The following FRRS1L variants were observed in gnomAD, a reference collection of about 807,000 sequenced individuals.
FRRS1L encodes DOMON domain-containing protein FRRS1L.
FRRS1L carries 22 observed loss-of-function variants against 28.6 expected under a neutral mutation model. The observed-to-expected ratio is 0.77, with a 90% CI of 0.55 to 1.10. The LOEUF (loss-of-function observed/expected upper bound fraction) is 1.10. Among genes scored for constraint, FRRS1L ranks in the 50% least tolerant of loss-of-function variants. The probability of loss-of-function intolerance (pLI) is 0.00; values close to 1 mark genes in which losing one functional copy is unlikely to be tolerated. For missense variants in FRRS1L, 380 were observed against 386.9 expected (o/e 0.98, Z 0.15); for synonymous variants, 158 against 151.4 (o/e 1.04, Z -0.32).
Position 109,167,171 on chromosome 9 carries a change from G to C in FRRS1L, c.-33C>G, listed in dbSNP as rs879450886. ...CACAGATCCCGCAGCCAGGCCGCTCGGGCCGCAGCGGGGGCGCCGCGGGCG... is the reference window on the plus strand; with the variant it reads ...CACAGATCCCGCAGCCAGGCCGCTCCGGCCGCAGCGGGGGCGCCGCGGGCG... On this transcript the variant is annotated 5_prime_UTR_variant, in exon 1 of 5. Transcript: ENST00000561981. The C allele has an allele frequency of 1.0e-4, 120 of 1,148,284 alleles. No homozygotes were observed. The highest frequency in any genetic ancestry group is 1.6e-4 in the African/African-American group (10 of 60,896). The allele number at this position is 1,148,284 out of a possible 1,614,324, so 71.1% of individuals were successfully genotyped here.
In FRRS1L at chr9:109,167,034, C is replaced by T. The variant is rs1239878483; in HGVS notation, c.105G>A (p.Ala35=). 1.4e-5 allele frequency: 17 copies of T among 1,207,108 alleles called. No homozygotes were observed. Among genetic ancestry groups the T allele is most frequent in the Non-Finnish European group, 1.7e-5 (17 of 974,284 alleles). The allele number at this position is 1,207,108 out of a possible 1,614,324, so 74.8% of individuals were successfully genotyped here. ...ACAASPADDG[A]GPGGRGPRGR... is the part of the protein sequence containing the mutation. Reference sequence around the variant, plus strand: ...CCCGGGGTCCCCGGCCCCCCGGGCCCGCACCGTCGTCCGCGGGGCTGGCTG... The same window carrying T: ...CCCGGGGTCCCCGGCCCCCCGGGCCTGCACCGTCGTCCGCGGGGCTGGCTG... Residue 35 remains alanine, a synonymous_variant, in exon 1 of 5, where the codon GCG becomes GCA. Coordinates refer to ENST00000561981, the MANE Select transcript of FRRS1L (RefSeq NM_014334.4).
chr9:109,161,310 T>C (rs1831477777), intron 1 of FRRS1L, among the ~76,000 whole-genome samples: 1 of 152,216 alleles, frequency 6.6e-6, no homozygotes, highest in African/African-American at 2.4e-5. Flanking sequence ...TGATGCTATT[T>C]TTTTCCCTCT....
chr9:109,156,549 C>T (rs946905900), intron 1 of FRRS1L, among the ~76,000 whole-genome samples: 6 of 152,016 alleles, frequency 3.9e-5, no homozygotes, highest in Non-Finnish European at 5.9e-5. Flanking sequence ...CCACCACGCC[C>T]GGCTAATTTT....
chr9:109,142,819 TA>T (rs71492832), intron 3 of FRRS1L, among the ~76,000 whole-genome samples: 53 of 135,380 alleles, frequency 3.9e-4, no homozygotes, highest in East Asian at 5.1e-4. Context: ...AAAATAAAAA[TA>T]AAAAAAAAAA....
At chr9:109,146,327 A>AGCTG (rs1407152338) in intron 3 of FRRS1L, among the ~76,000 whole-genome samples, 1 of 152,254 alleles carries the variant, frequency 6.6e-6, no homozygotes, top group African/African-American at 2.4e-5. Flanking sequence ...CCAGATTTAT[A>AGCTG]GCTGGCTGGT....
At chr9:109,155,863 T>C (rs1215555843) in intron 1 of FRRS1L, among the ~76,000 whole-genome samples, 2 of 152,052 alleles carry the variant, frequency 1.3e-5, no homozygotes, top group African/African-American at 4.8e-5. Context: ...TAAAATTGAT[T>C]GTGGTGACAG....
intron 1 of FRRS1L, among the ~76,000 whole-genome samples, chr9:109,162,500 C>T (rs1588104935): frequency 6.6e-6 from 1 of 152,288 alleles, no homozygotes; most frequent in South Asian, 2.1e-4. Context: ...GTCAAACTTT[C>T]TGTGGGTCAG....
At chr9:109,162,397 G>C (rs1480297770) in intron 1 of FRRS1L, among the ~76,000 whole-genome samples, 2 of 152,152 alleles carry the variant, frequency 1.3e-5, no homozygotes, top group Non-Finnish European at 1.5e-5. Flanking sequence ...TTCCAGATGG[G>C]CAGGACACCT....
In FRRS1L at chr9:109,131,121, T is replaced by C. The variant is rs757132045; in HGVS notation, c.*6334A>G. Reference sequence around the variant, plus strand: ...AAATATAAAAACAAAGAAATCTACCTTGAAACTAAATAACTGGATACTTGA... The same window carrying C: ...AAATATAAAAACAAAGAAATCTACCCTGAAACTAAATAACTGGATACTTGA... On this transcript the variant is annotated 3_prime_UTR_variant, in exon 5 of 5. Coordinates refer to ENST00000561981, the MANE Select transcript of FRRS1L (RefSeq NM_014334.4). 2.0e-5 allele frequency: 3 copies of C among 152,184 alleles called. No individual in the cohort carries two copies. Among genetic ancestry groups the C allele is most frequent in the Non-Finnish European group, 4.4e-5 (3 of 68,028 alleles). The allele number at this position is 152,184 out of a possible 1,614,324, so 9.4% of individuals were successfully genotyped here. A position where few individuals can be genotyped will look rare whatever the true frequency, so the allele number is the denominator to read the frequency against.
chr9:109,149,144 G>T (rs967102156), intron 2 of FRRS1L, among the ~76,000 whole-genome samples: 2 of 152,162 alleles, frequency 1.3e-5, no homozygotes, highest in South Asian at 2.1e-4. Flanking sequence ...CCGTCATGTC[G>T]TGATACTACT....
intron 3 of FRRS1L, among the ~76,000 whole-genome samples, chr9:109,145,144 G>A (rs1831242075): frequency 1.3e-5 from 2 of 152,160 alleles, no homozygotes; most frequent in Admixed American, 6.5e-5. Flanking sequence ...CTCATAGTTT[G>A]GGAACAAGCC....
chr9:109,161,768 T>C (rs1405069685), intron 1 of FRRS1L, among the ~76,000 whole-genome samples: 2 of 152,228 alleles, frequency 1.3e-5, no homozygotes, highest in Non-Finnish European at 2.9e-5. Flanking sequence ...TAAGTTTTAA[T>C]TGTCTGGCCA....
intron 2 of FRRS1L, 91 bp downstream of exon 2, chr9:109,149,544 CT>C: frequency 1.2e-6 from 1 of 824,422 alleles, no homozygotes; most frequent in Non-Finnish European, 2.0e-6. Context: ...CTCAGGCCCC[CT>C]GATTAGAAGG....
At chr9:109,141,157 C>T in intron 4 of FRRS1L, 186 bp downstream of exon 4, 1 of 625,056 alleles carries the variant, frequency 1.6e-6, no homozygotes, top group Non-Finnish European at 2.8e-6. Context: ...ATTTGTTTGT[C>T]CGTATAATAA....
chr9:109,143,749 AG>A (rs1342023878), intron 3 of FRRS1L, among the ~76,000 whole-genome samples: 1 of 152,000 alleles, frequency 6.6e-6, no homozygotes, highest in Non-Finnish European at 1.5e-5. Context: ...TCCTGACCTC[AG>A]GGGATCCGCC....
chr9:109,152,729 G>A (rs183210139), intron 1 of FRRS1L, among the ~76,000 whole-genome samples: 49 of 142,990 alleles, frequency 3.4e-4, no homozygotes, highest in African/African-American at 8.9e-4. Context: ...GCATGAACCC[G>A]GGAGGTGGAG....
intron 4 of FRRS1L, 167 bp downstream of exon 4, chr9:109,141,176 T>C (rs933984268): frequency 1.2e-5 from 8 of 675,602 alleles, no homozygotes; most frequent in African/African-American, 1.8e-5. Context: ...AAGTCCATTA[T>C]AATAAGTCCA....
chr9:109,155,317 T>A (rs985233283), intron 1 of FRRS1L, among the ~76,000 whole-genome samples: 2 of 152,222 alleles, frequency 1.3e-5, no homozygotes, highest in Non-Finnish European at 2.9e-5. Context: ...TGGAAATCTA[T>A]CCACATATGT....
At chr9:109,166,000 T>G (rs1435711508) in intron 1 of FRRS1L, among the ~76,000 whole-genome samples, 4 of 152,230 alleles carry the variant, frequency 2.6e-5, no homozygotes, top group Non-Finnish European at 5.9e-5. Context: ...TTCTATCTTG[T>G]TGAAGCTATT....
Sources: allele counts gnomAD v4.1 joint callset (sites outside exome capture counted in the v4.1 genomes callset), GRCh38; gene constraint gnomAD v4.1.1; transcripts MANE v1.5; gene names NCBI Gene and HGNC (gene_info 2026-07-23, HGNC 2026-07-21).